Variants in TMEM232 observed in about 807,000 individuals in gnomAD.
TMEM232 encodes transmembrane protein 232.
TMEM232 carries 80 observed loss-of-function variants against 78.8 expected under a neutral mutation model. The observed-to-expected ratio is 1.01, with a 90% CI of 0.85 to 1.22. The LOEUF is 1.22. Ranked by LOEUF, TMEM232 falls within the 50% of genes most tolerant of loss-of-function variation. The probability of loss-of-function intolerance (pLI) is 0.00; values close to 1 mark genes in which losing one functional copy is unlikely to be tolerated. For missense variants in TMEM232, 881 were observed against 742.2 expected, an observed-to-expected ratio of 1.19 and a Z score of -2.17; for synonymous variants, 297 against 254.3, an observed-to-expected ratio of 1.17 and a Z score of -1.60.
At chr5:110,618,095 A>G (rs1783165993) in intron 8 of TMEM232, 1 of 232,352 alleles carries the variant, frequency 4.3e-6, no homozygotes, top group Non-Finnish European at 8.4e-6. Context: ...CTAACAATAT[A>G]TTGTGTTTCA....
chr5:110,604,896 C>T (rs755956744), intron 10 of TMEM232, among the ~76,000 whole-genome samples: 2 of 152,076 alleles, frequency 1.3e-5, no homozygotes, highest in Non-Finnish European at 2.9e-5. Flanking sequence ...GAGGAGGTTA[C>T]AGTGAGCAGG....
chr5:110,681,855 C>T (rs1792791736), intron 1 of TMEM232, among the ~76,000 whole-genome samples: 1 of 152,144 alleles, frequency 6.6e-6, no homozygotes, highest in Non-Finnish European at 1.5e-5. Flanking sequence ...TAATTCATAA[C>T]ATTTCATTCC....
intron 10 of TMEM232, among the ~76,000 whole-genome samples, chr5:110,602,824 C>T (rs772244098): frequency 2.0e-5 from 3 of 152,126 alleles, no homozygotes; most frequent in Admixed American, 6.6e-5. Flanking sequence ...AATCATTCTA[C>T]TATAAACACA....
At chr5:110,471,662 A>C (rs1580818896) in intron 12 of TMEM232, among the ~76,000 whole-genome samples, 1 of 151,984 alleles carries the variant, frequency 6.6e-6, no homozygotes, top group African/African-American at 2.4e-5. Flanking sequence ...CAAGAATTCT[A>C]TACCTAGCAG....
At chr5:110,713,325 C>A (rs560011921) in intron 1 of TMEM232, among the ~76,000 whole-genome samples, 8 of 151,778 alleles carry the variant, frequency 5.3e-5, no homozygotes, top group Non-Finnish European at 5.9e-5. Flanking sequence ...ATGAGTAAGA[C>A]CTAGTATTTG....
intron 12 of TMEM232, among the ~76,000 whole-genome samples, chr5:110,431,029 T>A (rs570616021): frequency 1.8e-3 from 271 of 151,636 alleles, no homozygotes; most frequent in African/African-American, 6.1e-3. Flanking sequence ...GATCAGAACT[T>A]GAGAAGCCAG....
Position 110,568,471 on chromosome 5 carries a change from G to A in TMEM232, c.1431C>T (p.Ile477=), listed in dbSNP as rs1490761067. Residue 477 remains isoleucine (I), a synonymous_variant, in exon 11 of 14, where the codon ATC becomes ATT. Coordinates refer to ENST00000455884, the MANE Select transcript of TMEM232 (RefSeq NM_001039763.4). ...KTKDYEEDVR[I]QNAINIAQAE... ...CCTGAGCTATATTGATTGCATTTTG[G>A]ATTCGTACATCTTCCTCATAATCCT... 1.9e-6 allele frequency: 3 copies of A among 1,547,052 alleles called. No individual in the cohort carries two copies. Among genetic ancestry groups the A allele is most frequent in the Non-Finnish European group, 2.6e-6 (3 of 1,144,886 alleles).
intron 12 of TMEM232, among the ~76,000 whole-genome samples, chr5:110,479,339 C>A (rs1432522602): frequency 6.6e-6 from 1 of 151,722 alleles, no homozygotes; most frequent in South Asian, 2.1e-4. Flanking sequence ...ATAAAACATA[C>A]ATACACAACT....
chr5:110,691,577 C>G (rs191279811), intron 1 of TMEM232, among the ~76,000 whole-genome samples: 19 of 152,268 alleles, frequency 1.2e-4, no homozygotes, highest in Admixed American at 1.2e-3. Flanking sequence ...AAAACTAGGC[C>G]TACATACTAA....
At chr5:110,427,952 T>C (rs1377345436) in intron 12 of TMEM232, among the ~76,000 whole-genome samples, 2 of 151,944 alleles carry the variant, frequency 1.3e-5, no homozygotes, top group Non-Finnish European at 2.9e-5. Flanking sequence ...GAGAATGGGT[T>C]ATACACACCC....
chr5:110,610,278 G>GAAGGAAGGAAGGGAGGAAGGAA (rs1554057579), intron 8 of TMEM232, among the ~76,000 whole-genome samples: 9 of 146,092 alleles, frequency 6.2e-5, no homozygotes, highest in African/African-American at 2.1e-4. Context: ...AAGGTGGGTG[G>GAAGGAAGGAAGGGAGGAAGGAA]GTGAAGGGAG....
At chr5:110,400,994 G>A (rs1052581954) in intron 2 of TMEM232, among the ~76,000 whole-genome samples, 6 of 151,842 alleles carry the variant, frequency 4.0e-5, no homozygotes, top group African/African-American at 1.5e-4. Flanking sequence ...TTTCCTAAAA[G>A]CAATGTATAT....
chr5:110,699,889 T>G (rs1020368437), intron 1 of TMEM232, among the ~76,000 whole-genome samples: 3 of 152,076 alleles, frequency 2.0e-5, no homozygotes, highest in African/African-American at 7.2e-5. Context: ...AATTCAGAGA[T>G]AGTGCTAAGG....
At chr5:110,716,287 G>C (rs1014400251) in intron 1 of TMEM232, among the ~76,000 whole-genome samples, 1 of 152,012 alleles carries the variant, frequency 6.6e-6, no homozygotes, top group Non-Finnish European at 1.5e-5. Flanking sequence ...CCACAGATGG[G>C]GTGGGAGAAT....
intron 12 of TMEM232, among the ~76,000 whole-genome samples, chr5:110,490,300 A>T (rs1764944212): frequency 6.6e-6 from 1 of 152,198 alleles, no homozygotes; most frequent in African/African-American, 2.4e-5. Flanking sequence ...ACTTGGAAGT[A>T]AGGTTAACAA....
At position 110,733,432 on chromosome 5, in the gene TMEM232, C is replaced by T. The variant is rs571745691; in HGVS notation, c.-13+1471G>A. ...ACCACTATTCACAATAGCAAAGACA[C>T]GGAATCAACCTAAATGCCCATCACT... On this transcript the variant is annotated intron_variant, in intron 2 of 4. Transcript: ENST00000512886. Among the ~76,000 whole-genome samples the T allele has an allele frequency of 3.9e-3, 596 of 152,190 alleles. 3 individuals are homozygous for T. The highest frequency in any genetic ancestry group is 7.0e-3 in the Non-Finnish European group (473 of 68,022).
At chr5:110,410,760 C>T (rs946358637) in intron 2 of TMEM232, among the ~76,000 whole-genome samples, 4 of 152,128 alleles carry the variant, frequency 2.6e-5, no homozygotes, top group African/African-American at 9.7e-5. Context: ...AGTAGTATTA[C>T]CACATTTCAA....
intron 1 of TMEM232, among the ~76,000 whole-genome samples, chr5:110,685,242 ACATT>A (rs1442159031): frequency 2.0e-5 from 3 of 152,146 alleles, no homozygotes; most frequent in African/African-American, 7.2e-5. Context: ...TGTTACATAA[ACATT>A]CATCTAACAG....
intron 12 of TMEM232, among the ~76,000 whole-genome samples, chr5:110,446,764 A>G (rs996774334): frequency 6.6e-6 from 1 of 152,140 alleles, no homozygotes; most frequent in Non-Finnish European, 1.5e-5. Context: ...TGCTAATAAT[A>G]GATAGGGACA....
Sources: allele counts gnomAD v4.1 joint callset (sites outside exome capture counted in the v4.1 genomes callset), GRCh38; gene constraint gnomAD v4.1.1; transcripts MANE v1.5; gene names NCBI Gene and HGNC (gene_info 2026-07-23, HGNC 2026-07-21).